The following RCL1 variants were observed in gnomAD, a reference collection of about 807,000 sequenced individuals.
The protein encoded by RCL1 is RNA 3'-terminal phosphate cyclase-like protein.
In RCL1, 24 loss-of-function variants were observed where a neutral mutation model predicts 42.4. The ratio of observed to expected loss-of-function variants is 0.57; its 90% CI spans 0.41 to 0.80. The LOEUF is 0.80. Ranked by LOEUF, RCL1 falls within the 30% of genes least tolerant of loss-of-function variation. The probability of loss-of-function intolerance (pLI) is 0.00; values close to 1 mark genes in which losing one functional copy is unlikely to be tolerated. For synonymous variants in RCL1, 228 were observed against 177.3 expected (o/e 1.29, Z -2.27); for missense variants, 578 against 467.9 (o/e 1.24, Z -2.17).
chr9:4,860,281 A>G lies in RCL1; in HGVS notation c.*6A>G, dbSNP rs1180122842. The G allele has an allele frequency of 1.3e-5, 21 of 1,611,990 alleles. No homozygotes were observed. Among genetic ancestry groups the G allele is most frequent in the Non-Finnish European group, 1.7e-5 (20 of 1,179,368 alleles). On this transcript the variant is annotated 3_prime_UTR_variant, in exon 9 of 9. Transcript: ENST00000381750. ...TTAGCAAGACCCTCAAGTGATAACC[A>G]TCACAAGATAAGGCCCCAATGCCTA...
intron 1 of RCL1, among the ~76,000 whole-genome samples, chr9:4,794,082 G>A (rs1408884334): frequency 6.6e-6 from 1 of 152,218 alleles, no homozygotes; most frequent in Non-Finnish European, 1.5e-5. Context: ...CCCAAGTTGG[G>A]CGAGTCAGTA....
At position 4,795,518 on chromosome 9, in the gene RCL1, G is replaced by A. The variant is rs550269899; in HGVS notation, c.136+2291G>A. Among the ~76,000 whole-genome samples, 3 of 152,290 alleles carry A rather than the reference G, an allele frequency of 2.0e-5. 1 individual carries two copies. In the South Asian group the frequency reaches 6.2e-4, roughly 32 times the overall value. On this transcript the variant is annotated intron_variant, in intron 1 of 8. Transcript: ENST00000381750. ...GCACGCATAAATAGATGTAGTCCCT[G>A]ACACATGATTTCTGGTCATAATCAA...
chr9:4,828,821 G>T (rs1816856212), intron 3 of RCL1, among the ~76,000 whole-genome samples: 1 of 152,162 alleles, frequency 6.6e-6, no homozygotes, highest in African/African-American at 2.4e-5. Context: ...TCAGAAATGG[G>T]ACCCAAAAAG....
At chr9:4,820,950 C>T (rs551261170) in intron 1 of RCL1, among the ~76,000 whole-genome samples, 6 of 152,260 alleles carry the variant, frequency 3.9e-5, no homozygotes, top group South Asian at 2.1e-4. Context: ...GTTATTCCAA[C>T]GTAGTTTATT....
Position 4,834,250 on chromosome 9 carries a change from G to A in RCL1, c.569G>A (p.Arg190His), listed in dbSNP as rs1346191885. 1.2e-6 allele frequency: 2 copies of A among 1,612,500 alleles called. No individual in the cohort carries two copies. The highest frequency in any genetic ancestry group is 1.1e-5 in the South Asian group (1 of 90,992). The change falls in exon 5 of 9, where the codon CGT becomes CAT. Residue 190 changes from arginine to histidine, a missense_variant. Coordinates refer to ENST00000381750, the MANE Select transcript of RCL1 (RefSeq NM_005772.5). Reference protein sequence around the residue: ...IQLTDPGKIKRIRGMAYSVRV... With the variant: ...IQLTDPGKIKHIRGMAYSVRV... The stretch of plus-strand genomic sequence containing the variant: ...CTCACAGATCCAGGAAAAATCAAAC[G>A]TATTAGAGGAATGGCGTATCCTTTC...
chr9:4,798,839 C>G (rs989651004), intron 1 of RCL1, among the ~76,000 whole-genome samples: 2 of 150,492 alleles, frequency 1.3e-5, no homozygotes, highest in African/African-American at 4.9e-5. Flanking sequence ...AAGTATGCTT[C>G]CAAGTGATGA....
At chr9:4,857,864 G>C (rs1490305762) in intron 8 of RCL1, among the ~76,000 whole-genome samples, 1 of 150,374 alleles carries the variant, frequency 6.7e-6, no homozygotes, top group East Asian at 2.0e-4. Flanking sequence ...CTAATAACCA[G>C]TGATGTTGAG....
intron 8 of RCL1, among the ~76,000 whole-genome samples, chr9:4,853,610 C>T (rs964428516): frequency 2.0e-5 from 3 of 152,070 alleles, no homozygotes; most frequent in Non-Finnish European, 2.9e-5. Flanking sequence ...CGTGAGCCAC[C>T]GTGCCCGGCC....
In RCL1 at chr9:4,841,268, G is replaced by A. The variant is rs1817311833; in HGVS notation, c.621G>A (p.Arg207=). 6.2e-7 allele frequency: 1 copy of A among 1,613,626 alleles called. No individual in the cohort carries two copies. Among genetic ancestry groups the A allele is most frequent in the East Asian group, 2.2e-5 (1 of 44,878 alleles). The stretch of plus-strand genomic sequence containing the variant: ...GTGTGTCACCTCAGATGGCGAACCG[G>A]ATTGTGGATTCTGCAAGGAGCATCC... The part of the protein sequence containing the change: ...SVRVSPQMAN[R]IVDSARSILN... Residue 207 remains arginine (R), a synonymous_variant, in exon 6 of 9, where the codon CGG becomes CGA. Coordinates refer to ENST00000381750, the MANE Select transcript of RCL1 (RefSeq NM_005772.5).
At chr9:4,833,098 T>C in intron 3 of RCL1, 56 bp from the exon 4 acceptor site, 2 of 1,227,674 alleles carry the variant, frequency 1.6e-6, no homozygotes, top group Non-Finnish European at 2.4e-6. Context: ...TTTTTTTGAC[T>C]CTTGTATTCT....
chr9:4,797,080 A>C (rs1842924892), intron 1 of RCL1, among the ~76,000 whole-genome samples: 1 of 152,196 alleles, frequency 6.6e-6, no homozygotes, highest in Non-Finnish European at 1.5e-5. Context: ...CCTTGGTTTG[A>C]GTACGAGTTC....
chr9:4,839,791 G>A, intron 5 of RCL1: 1 of 969,798 alleles, frequency 1.0e-6, no homozygotes, highest in Non-Finnish European at 1.2e-6. Context: ...TAAAGCCCTT[G>A]CCCTTATAGA....
intron 8 of RCL1, among the ~76,000 whole-genome samples, chr9:4,856,911 A>G (rs934993375): frequency 1.3e-5 from 2 of 152,170 alleles, no homozygotes; most frequent in Non-Finnish European, 2.9e-5. Context: ...TTCTCCATGT[A>G]GCTGTTTCCT....
chr9:4,818,732 C>T (rs1185490519), intron 1 of RCL1, among the ~76,000 whole-genome samples: 1 of 151,986 alleles, frequency 6.6e-6, no homozygotes, highest in African/African-American at 2.4e-5. Flanking sequence ...AATAGCTGGA[C>T]ATGGTGGCAC....
At chr9:4,813,988 T>TGA (rs1458369876) in intron 1 of RCL1, among the ~76,000 whole-genome samples, 1 of 151,960 alleles carries the variant, frequency 6.6e-6, no homozygotes, top group African/African-American at 2.4e-5. Context: ...AATTGAACAA[T>TGA]GAGAACACTT....
At chr9:4,841,423 A>C (rs1817322774) in intron 6 of RCL1, 66 bp downstream of exon 6, 1 of 1,311,434 alleles carries the variant, frequency 7.6e-7, no homozygotes, top group Non-Finnish European at 1.1e-6. Flanking sequence ...AGTTGAAGTT[A>C]AAACTGCCAG....
At chr9:4,849,601 T>C in intron 8 of RCL1, 51 bp downstream of exon 8, 3 of 1,358,620 alleles carry the variant, frequency 2.2e-6, no homozygotes, top group East Asian at 2.3e-5. Context: ...AATTTTCTCA[T>C]TGCCCAAAAT....
At chr9:4,805,357 C>G (rs1272037138) in intron 1 of RCL1, among the ~76,000 whole-genome samples, 1 of 152,002 alleles carries the variant, frequency 6.6e-6, no homozygotes, top group African/African-American at 2.4e-5. Flanking sequence ...CTTCTGCATT[C>G]TAGCCTGGGT....
chr9:4,844,911 T>G (rs192135279), intron 7 of RCL1, among the ~76,000 whole-genome samples: 30 of 152,010 alleles, frequency 2.0e-4, no homozygotes, highest in Middle Eastern at 3.4e-3. Flanking sequence ...GTTTTAACAG[T>G]GAGCCAAGGA....
Sources: allele counts gnomAD v4.1 joint callset (sites outside exome capture counted in the v4.1 genomes callset), GRCh38; gene constraint gnomAD v4.1.1; transcripts MANE v1.5; gene names NCBI Gene and HGNC (gene_info 2026-07-23, HGNC 2026-07-21).